GRIN3A: variants seen among roughly 807,000 people sequenced by gnomAD.
GRIN3A encodes glutamate ionotropic receptor NMDA type subunit 3A, also known as glutamate receptor ionotropic, NMDA 3A.
A neutral mutation model predicts 92.4 loss-of-function variants in GRIN3A; 47 were observed. The ratio of observed to expected loss-of-function variants is 0.51; its 90% CI spans 0.40 to 0.65. The LOEUF is 0.65. Ranked by LOEUF, GRIN3A falls within the 30% of genes least tolerant of loss-of-function variation. GRIN3A has a pLI of 0.00. For missense variants in GRIN3A, 1,324 were observed against 1,393.1 expected, an observed-to-expected ratio of 0.95 and a Z score of 0.79; for synonymous variants, 527 against 540.6, an observed-to-expected ratio of 0.97 and a Z score of 0.35.
At chr9:101,692,259 C>G (rs989465643) in intron 1 of GRIN3A, among the ~76,000 whole-genome samples, 1 of 152,084 alleles carries the variant, frequency 6.6e-6, no homozygotes, top group African/African-American at 2.4e-5. Flanking sequence ...ACTATGTTTA[C>G]AGTAGAGTCC....
chr9:101,716,186 A>G (rs1829945473), intron 1 of GRIN3A, among the ~76,000 whole-genome samples: 1 of 152,232 alleles, frequency 6.6e-6, no homozygotes, highest in Admixed American at 6.5e-5. Context: ...AATCTTGTTA[A>G]TTATCACATA....
At chr9:101,692,520 G>A (rs915263641) in intron 1 of GRIN3A, among the ~76,000 whole-genome samples, 3 of 152,174 alleles carry the variant, frequency 2.0e-5, no homozygotes, top group African/African-American at 7.2e-5. Flanking sequence ...GGGTTTAAGA[G>A]AAGAGAAAAG....
At chr9:101,717,442 C>T (rs1373694397) in intron 1 of GRIN3A, among the ~76,000 whole-genome samples, 1 of 152,138 alleles carries the variant, frequency 6.6e-6, no homozygotes, top group Non-Finnish European at 1.5e-5. Context: ...TATCTGGGTG[C>T]TGCTAACAAA....
rs2118774507 is a variant in GRIN3A at position 101,573,415 on chromosome 9, T to A, written c.3107A>T (p.Asn1036Ile). 1 of 1,614,042 alleles carries A rather than the reference T, an allele frequency of 6.2e-7. No homozygotes were observed. Among genetic ancestry groups the A allele is most frequent in the East Asian group, 2.2e-5 (1 of 44,870 alleles). ...KYIFSDEEGQ[N>I]QLGIRIHQDI... ...CTGGTGGATCCGGATGCCCAGCTGG[T>A]TTTGTCCTTCCTCATCACTAAAGAT... is the stretch of plus-strand genomic sequence containing the variant. Residue 1036 changes from asparagine (N) to isoleucine (I), a missense_variant, in exon 9 of 9, where the codon AAC becomes ATC. Physicochemically the swap from Asn to Ile is moderately radical, Grantham distance 149. Coordinates refer to ENST00000361820, the MANE Select transcript of GRIN3A (RefSeq NM_133445.3).
intron 2 of GRIN3A, among the ~76,000 whole-genome samples, chr9:101,672,847 G>T (rs1051623977): frequency 1.3e-5 from 2 of 152,090 alleles, no homozygotes; most frequent in African/African-American, 2.4e-5. Flanking sequence ...TGAAGTCTCA[G>T]CTATCTTAGA....
Position 101,569,568 on chromosome 9 carries a change from A to T in GRIN3A, c.*3606T>A, listed in dbSNP as rs756012380. 11 of 152,224 alleles carry T rather than the reference A, an allele frequency of 7.2e-5. No individual in the cohort carries two copies. The highest frequency in any genetic ancestry group is 1.5e-4 in the Non-Finnish European group (10 of 68,038). The allele number at this position is 152,224 out of a possible 1,614,324, so 9.4% of individuals were successfully genotyped here. On this transcript the variant is annotated 3_prime_UTR_variant, in exon 9 of 9. Transcript: ENST00000361820. ...GACACAATGCAAATACTCTTCACAA[A>T]CCTTAAGAAAATACTTATAAATACA...
intron 2 of GRIN3A, among the ~76,000 whole-genome samples, chr9:101,675,946 C>A (rs867424210): frequency 3.3e-4 from 50 of 152,060 alleles, no homozygotes; most frequent in African/African-American, 1.2e-3. Context: ...AAATCTTCCA[C>A]TACAAATAAT....
intron 1 of GRIN3A, among the ~76,000 whole-genome samples, chr9:101,734,729 A>G (rs529175100): frequency 3.9e-5 from 6 of 152,062 alleles, no homozygotes; most frequent in African/African-American, 1.4e-4. Context: ...CCCAAAATAA[A>G]GTGAGAGAAA....
intron 6 of GRIN3A, chr9:101,602,902 C>G (rs935863327): frequency 6.6e-6 from 1 of 152,150 alleles, no homozygotes; most frequent in Admixed American, 6.5e-5. Flanking sequence ...CCTGTTCACA[C>G]AGGAGCCTAA....
At chr9:101,629,022 CA>C (rs1828678041) in intron 3 of GRIN3A, among the ~76,000 whole-genome samples, 1 of 150,720 alleles carries the variant, frequency 6.6e-6, no homozygotes, top group Non-Finnish European at 1.5e-5. Context: ...AATATGGTGA[CA>C]AATAACATAT....
At chr9:101,634,332 C>CAAAAAAA (rs10664535) in intron 3 of GRIN3A, among the ~76,000 whole-genome samples, 1 of 68,732 alleles carries the variant, frequency 1.5e-5, no homozygotes, top group African/African-American at 6.3e-5. Flanking sequence ...GACTCCGTCT[C>CAAAAAAA]AAAAAAAAAA....
At chr9:101,633,694 C>G (rs533335824) in intron 3 of GRIN3A, among the ~76,000 whole-genome samples, 83 of 152,282 alleles carry the variant, frequency 5.5e-4, no homozygotes, top group Middle Eastern at 3.4e-3. Flanking sequence ...TTACAAGAAT[C>G]TAATGATAAA....
chr9:101,724,188 G>A (rs1420976647), intron 1 of GRIN3A, among the ~76,000 whole-genome samples: 1 of 50,112 alleles, frequency 2.0e-5, no homozygotes, highest in African/African-American at 5.6e-5. Flanking sequence ...GAGGAGGCTC[G>A]GGCCGCACAG....
In GRIN3A at chr9:101,738,245, C is replaced by G; in HGVS notation, c.-266G>C. On this transcript the variant is annotated 5_prime_UTR_variant, in exon 1 of 9. Coordinates refer to ENST00000361820, the MANE Select transcript of GRIN3A (RefSeq NM_133445.3). ...CTGAGCAGGCAGGCGGGCGGGCCGG[C>G]GCCTGTCACCCGCAGCTGGAGCGCC... 1 of 512,168 alleles carries G rather than the reference C, an allele frequency of 2.0e-6. No homozygotes were observed. The allele number at this position is 512,168 out of a possible 1,614,324, so 31.7% of individuals were successfully genotyped here. A position where few individuals can be genotyped will look rare whatever the true frequency, so the allele number is the denominator to read the frequency against.
At chr9:101,720,047 T>C (rs995122106) in intron 1 of GRIN3A, among the ~76,000 whole-genome samples, 1 of 152,122 alleles carries the variant, frequency 6.6e-6, no homozygotes, top group Non-Finnish European at 1.5e-5. Flanking sequence ...AGTCCCCGTT[T>C]GGGAATTATG....
intron 3 of GRIN3A, among the ~76,000 whole-genome samples, chr9:101,631,464 G>A (rs1344708895): frequency 6.6e-6 from 1 of 152,136 alleles, no homozygotes; most frequent in Non-Finnish European, 1.5e-5. Context: ...ATTATGTTGT[G>A]ATAATACTTT....
At chr9:101,596,985 C>T (rs1303806268) in intron 6 of GRIN3A, among the ~76,000 whole-genome samples, 1 of 152,174 alleles carries the variant, frequency 6.6e-6, no homozygotes, top group African/African-American at 2.4e-5. Context: ...CTGCGTGGGC[C>T]ACATGCCCAT....
In GRIN3A at chr9:101,572,917, A is replaced by G. The variant is rs1827778729; in HGVS notation, c.*257T>C. On this transcript the variant is annotated 3_prime_UTR_variant, in exon 9 of 9. Coordinates refer to ENST00000361820, the MANE Select transcript of GRIN3A (RefSeq NM_133445.3). The stretch of plus-strand genomic sequence containing the variant: ...TAACGGCAGCTGGGGTTATCTGGTT[A>G]TTCACAGATCTCTCGCACAGAGCTT... 3 of 496,148 alleles carry G rather than the reference A, an allele frequency of 6.0e-6. No individual in the cohort carries two copies. In the South Asian group the frequency reaches 6.9e-5, roughly 11 times the overall value. The allele number at this position is 496,148 out of a possible 1,614,324, so 30.7% of individuals were successfully genotyped here.
chr9:101,681,305 G>A (rs1829463549), intron 2 of GRIN3A, among the ~76,000 whole-genome samples: 1 of 152,182 alleles, frequency 6.6e-6, no homozygotes, highest in African/African-American at 2.4e-5. Flanking sequence ...CTTTTATACT[G>A]TATTACTTTA....
Sources: allele counts gnomAD v4.1 joint callset (sites outside exome capture counted in the v4.1 genomes callset), GRCh38; gene constraint gnomAD v4.1.1; transcripts MANE v1.5; gene names NCBI Gene and HGNC (gene_info 2026-07-23, HGNC 2026-07-21).